The following SYNRG variants were observed in gnomAD, a reference collection of about 807,000 sequenced individuals.
SYNRG encodes AP1 gamma subunit binding protein 1.
SYNRG carries 37 observed loss-of-function variants against 130.9 expected under a neutral mutation model. That is an observed-to-expected ratio of 0.28 (90% CI 0.22 to 0.37). The LOEUF is 0.37. SYNRG is among the 10% of genes least tolerant of loss of function. The pLI, the probability that SYNRG is intolerant of heterozygous loss-of-function variation, is 1.00. For missense variants in SYNRG, 1,338 were observed against 1,588.9 expected (o/e 0.84, Z 2.68); for synonymous variants, 539 against 568.1 (o/e 0.95, Z 0.73).
chr17:37,565,343 AGTATC>A (rs1363779061), intron 11 of SYNRG, among the ~76,000 whole-genome samples: 1 of 151,596 alleles, frequency 6.6e-6, no homozygotes. Context: ...ATAGCTGCAA[AGTATC>A]AATGGTGCCC....
At chr17:37,529,766 C>T in intron 19 of SYNRG, 1 of 1,550,546 alleles carries the variant, frequency 6.4e-7, no homozygotes. Context: ...GGCAAGTACG[C>T]CTGGTCTCTG....
chr17:37,560,864 C>T (rs891307930), intron 13 of SYNRG, among the ~76,000 whole-genome samples: 3 of 151,814 alleles, frequency 2.0e-5, no homozygotes, highest in African/African-American at 7.3e-5. Flanking sequence ...AGGGTTTTGC[C>T]ACGTTGGCCA....
chr17:37,580,598 G>T (rs1013286492), intron 6 of SYNRG, among the ~76,000 whole-genome samples: 1 of 151,858 alleles, frequency 6.6e-6, no homozygotes, highest in Non-Finnish European at 1.5e-5. Flanking sequence ...GCAGTGGCGC[G>T]ATCTCGGCTC....
At position 37,561,184 on chromosome 17, in the gene SYNRG, C is replaced by G. The variant is rs774363884; in HGVS notation, c.1663+11G>C. The G allele has an allele frequency of 3.7e-6, 6 of 1,609,410 alleles. No individual in the cohort carries two copies. The highest frequency in any genetic ancestry group is 5.1e-6 in the Non-Finnish European group (6 of 1,178,392). On this transcript the variant is annotated intron_variant, in intron 13 of 21. Coordinates refer to ENST00000612223, the MANE Select transcript of SYNRG (RefSeq NM_007247.6). Reference sequence around the variant, plus strand: ...GAAATAATTTATCCTTTTGAGGACTCAAAAACTTACCTAAAGGTTTATTCT... The same window carrying G: ...GAAATAATTTATCCTTTTGAGGACTGAAAAACTTACCTAAAGGTTTATTCT...
chr17:37,573,427 C>A lies in SYNRG; in HGVS notation c.902-1440G>T, dbSNP rs536896979. ...AAAACAAACAAACAAACAAAAAAAA[C>A]CATATTTTGACTAGAAAGTATACAT... is the stretch of plus-strand genomic sequence containing the variant. On this transcript the variant is annotated intron_variant, in intron 8 of 21. Coordinates refer to ENST00000612223, the MANE Select transcript of SYNRG (RefSeq NM_007247.6). Among the ~76,000 whole-genome samples the A allele has an allele frequency of 3.2e-4, 48 of 152,054 alleles. 1 individual carries two copies. In the South Asian group the frequency reaches 5.8e-3, roughly 18 times the overall value.
intron 8 of SYNRG, among the ~76,000 whole-genome samples, chr17:37,573,653 C>A (rs2060603905): frequency 6.6e-6 from 1 of 152,052 alleles, no homozygotes; most frequent in Admixed American, 6.5e-5. Flanking sequence ...ATTGTACATA[C>A]TATTTTGGTA....
At chr17:37,561,338 A>C in intron 12 of SYNRG, 81 bp from the exon 13 acceptor site, 2 of 1,503,046 alleles carry the variant, frequency 1.3e-6, no homozygotes, top group Non-Finnish European at 1.8e-6. Flanking sequence ...GATTGGTTTA[A>C]CCAAACACTA....
intron 14 of SYNRG, among the ~76,000 whole-genome samples, chr17:37,546,555 A>G (rs186114917): frequency 3.2e-3 from 480 of 152,348 alleles, no homozygotes; most frequent in African/African-American, 0.011. Context: ...AGTCTCTTCC[A>G]TAACCTCTAT....
chr17:37,546,183 G>A (rs1391504598), intron 14 of SYNRG, among the ~76,000 whole-genome samples: 1 of 152,044 alleles, frequency 6.6e-6, no homozygotes, highest in Non-Finnish European at 1.5e-5. Context: ...AAAATGATGT[G>A]GAATAACCCA....
Position 37,561,241 on chromosome 17 carries a change from A to G in SYNRG, c.1617T>C (p.Tyr539=), listed in dbSNP as rs1265966097. 1.9e-6 allele frequency: 3 copies of G among 1,613,852 alleles called. No homozygotes were observed. Among genetic ancestry groups the G allele is most frequent in the East Asian group, 2.2e-5 (1 of 44,850 alleles). The part of the protein sequence containing the change: ...TVPPGDPGDK[Y]SAFRELEQTA... ...TCTGTTCAAGTTCTCTGAAAGCACTATATTTATCACCAGGATCTATGATAG... is the reference window on the plus strand; with the variant it reads ...TCTGTTCAAGTTCTCTGAAAGCACTGTATTTATCACCAGGATCTATGATAG... The change falls in exon 13 of 22, where the codon TAT becomes TAC. Residue 539 remains tyrosine, a synonymous_variant. Coordinates refer to ENST00000612223, the MANE Select transcript of SYNRG (RefSeq NM_007247.6).
chr17:37,554,098 A>G, intron 13 of SYNRG, 39 bp from the exon 14 acceptor site: 1 of 1,563,374 alleles, frequency 6.4e-7, no homozygotes, highest in Non-Finnish European at 8.6e-7. Context: ...GGGAATGCTG[A>G]ACTGAAAACC....
intron 6 of SYNRG, among the ~76,000 whole-genome samples, chr17:37,582,996 GTT>G (rs999006626): frequency 6.9e-6 from 1 of 145,232 alleles, no homozygotes. Context: ...TAGGTTTTTG[GTT>G]TTTTTTTTTT....
chr17:37,517,437 C>T lies in SYNRG; in HGVS notation c.*1503G>A, dbSNP rs1247748711. 1.3e-5 allele frequency: 2 copies of T among 151,880 alleles called. No homozygotes were observed. Among genetic ancestry groups the T allele is most frequent in the Non-Finnish European group, 2.9e-5 (2 of 67,994 alleles). 9.4% of individuals were successfully genotyped at this position (151,880 alleles called of 1,614,324 possible). On this transcript the variant is annotated 3_prime_UTR_variant, in exon 22 of 22. Transcript: ENST00000612223. ...TGCCTCAGTCAGGAATGGCCAGAGA[C>T]GGTATCATCGGGAGCGAGTGAGAAA...
chr17:37,577,245 G>A (rs181858556), intron 7 of SYNRG, 135 bp downstream of exon 7: 53 of 728,704 alleles, frequency 7.3e-5, no homozygotes, highest in Non-Finnish European at 1.1e-4. Flanking sequence ...AGAAAGGAAT[G>A]CATTAAATAT....
chr17:37,576,509 C>T, intron 7 of SYNRG, 91 bp from the exon 8 acceptor site: 1 of 1,146,608 alleles, frequency 8.7e-7, no homozygotes, highest in Non-Finnish European at 1.2e-6. Context: ...AGAGCACTGG[C>T]TGGAGACACT....
chr17:37,590,056 A>G (rs1435049190), intron 3 of SYNRG, among the ~76,000 whole-genome samples: 2 of 151,880 alleles, frequency 1.3e-5, no homozygotes, highest in African/African-American at 4.8e-5. Context: ...CTGTAGTCCC[A>G]GCTTCTCTGG....
chr17:37,525,799 C>T (rs1439221828), intron 19 of SYNRG, among the ~76,000 whole-genome samples: 1 of 152,232 alleles, frequency 6.6e-6, no homozygotes, highest in African/African-American at 2.4e-5. Flanking sequence ...AACCCCGTCT[C>T]TACTAAAAAT....
chr17:37,604,634 T>C (rs910965704), intron 1 of SYNRG, among the ~76,000 whole-genome samples: 2 of 152,240 alleles, frequency 1.3e-5, no homozygotes, highest in Non-Finnish European at 2.9e-5. Flanking sequence ...TTTAATTTCC[T>C]TCAAGAACTT....
chr17:37,584,446 G>C (rs2061545801), intron 6 of SYNRG: 1 of 440,860 alleles, frequency 2.3e-6, no homozygotes, highest in Admixed American at 3.8e-5. Flanking sequence ...AAGACAAAGA[G>C]GTTTTTTCCT....
Sources: allele counts gnomAD v4.1 joint callset (sites outside exome capture counted in the v4.1 genomes callset), GRCh38; gene constraint gnomAD v4.1.1; transcripts MANE v1.5; gene names NCBI Gene and HGNC (gene_info 2026-07-23, HGNC 2026-07-21).